TNFAIP8L3: variants seen among roughly 807,000 people sequenced by gnomAD.
TNFAIP8L3 encodes TNF alpha induced protein 8 like 3.
Under a neutral mutation model 11.8 loss-of-function variants are expected in TNFAIP8L3, and 7 were observed. The ratio of observed to expected loss-of-function variants is 0.59; its 90% CI spans 0.34 to 1.11. TNFAIP8L3 has a LOEUF of 1.11. Ranked by LOEUF, TNFAIP8L3 falls within the 50% of genes most tolerant of loss-of-function variation. TNFAIP8L3 has a pLI of 0.03. For synonymous variants in TNFAIP8L3, 98 were observed against 103.8 expected, an observed-to-expected ratio of 0.94 and a Z score of 0.34; for missense variants, 219 against 258.6, an observed-to-expected ratio of 0.85 and a Z score of 1.05.
At chr15:51,064,436 C>A (rs2065257709) in intron 1 of TNFAIP8L3, among the ~76,000 whole-genome samples, 1 of 151,976 alleles carries the variant, frequency 6.6e-6, no homozygotes, top group Non-Finnish European at 1.5e-5. Context: ...TTGTTTAGTC[C>A]ACCACTTCTC....
Position 51,057,949 on chromosome 15 carries a change from C to T in TNFAIP8L3, c.547G>A (p.Asp183Asn). The T allele has an allele frequency of 5.0e-6, 8 of 1,613,064 alleles. No homozygotes were observed. The highest frequency in any genetic ancestry group is 6.8e-6 in the Non-Finnish European group (8 of 1,179,690). Residue 183 changes from aspartate to asparagine, a missense_variant, in exon 2 of 2, where the codon GAC becomes AAC. By Grantham distance (23) the Asp-to-Asn change is conservative. Transcript: ENST00000637513. ...ATCCTCTTGAGGTTGGGCCTACAGTCTCCATCCAGACTATAGAGGGTGGAG... is the reference window on the plus strand; with the variant it reads ...ATCCTCTTGAGGTTGGGCCTACAGTTTCCATCCAGACTATAGAGGGTGGAG... ...FLSTLYSLDG[D>N]CRPNLKRICE...
chr15:51,078,600 C>G (rs2065371332), intron 1 of TNFAIP8L3, among the ~76,000 whole-genome samples: 1 of 151,986 alleles, frequency 6.6e-6, no homozygotes, highest in Non-Finnish European at 1.5e-5. Context: ...GACCCCTGCC[C>G]CGCATGTTCC....
At chr15:51,065,601 G>A (rs1469803352) in intron 1 of TNFAIP8L3, among the ~76,000 whole-genome samples, 1 of 152,200 alleles carries the variant, frequency 6.6e-6, no homozygotes, top group Non-Finnish European at 1.5e-5. Context: ...CAGGCTCTGA[G>A]CTCTCAGCTA....
At chr15:51,078,034 C>T (rs1172916367) in intron 1 of TNFAIP8L3, among the ~76,000 whole-genome samples, 1 of 152,174 alleles carries the variant, frequency 6.6e-6, no homozygotes, top group Non-Finnish European at 1.5e-5. Flanking sequence ...GTCGTGTTCA[C>T]CGTGGCGTCC....
chr15:51,100,700 CAAG>C (rs961461838), intron 1 of TNFAIP8L3, among the ~76,000 whole-genome samples: 2 of 149,994 alleles, frequency 1.3e-5, no homozygotes, highest in Admixed American at 1.3e-4. Flanking sequence ...GTGGGGGAAT[CAAG>C]ATGATGAAAG....
rs1313487866 is a variant in TNFAIP8L3, at chr15:51,094,216, A to C, written c.52+328T>G. ...CGCTCGGAAAGTTATTTCAAAAGGCAGATGTGTTGCAACCCTCTCTGCAGC... is the reference window on the plus strand; with the variant it reads ...CGCTCGGAAAGTTATTTCAAAAGGCCGATGTGTTGCAACCCTCTCTGCAGC... On this transcript the variant is annotated intron_variant, in intron 1 of 1. Coordinates refer to ENST00000637513, the MANE Select transcript of TNFAIP8L3 (RefSeq NM_001311175.2). This position sits in a 1 kb window ranked among gnomAD's most constrained non-coding sequence, Gnocchi z 4.4. 6.6e-6 allele frequency among the ~76,000 whole-genome samples: 1 copy of C among 152,224 alleles called. No homozygotes were observed. Among genetic ancestry groups the C allele is most frequent in the Non-Finnish European group, 1.5e-5 (1 of 68,040 alleles).
chr15:51,081,838 T>C (rs1325194074), intron 1 of TNFAIP8L3, among the ~76,000 whole-genome samples: 1 of 152,166 alleles, frequency 6.6e-6, no homozygotes, highest in Non-Finnish European at 1.5e-5. Flanking sequence ...GGATGAGCTA[T>C]CCATCATTTT....
intron 1 of TNFAIP8L3, among the ~76,000 whole-genome samples, chr15:51,091,069 G>A (rs2065465569): frequency 6.6e-6 from 1 of 152,172 alleles, no homozygotes; most frequent in African/African-American, 2.4e-5. Context: ...GCCAAGTTGG[G>A]TCTCTGGAAA....
chr15:51,062,472 T>A (rs1369600371), intron 1 of TNFAIP8L3, among the ~76,000 whole-genome samples: 1 of 152,122 alleles, frequency 6.6e-6, no homozygotes, highest in Non-Finnish European at 1.5e-5. Flanking sequence ...GTTTGTATAT[T>A]AGTATGTACA....
chr15:51,089,908 C>T (rs760406382), intron 1 of TNFAIP8L3, among the ~76,000 whole-genome samples: 1 of 152,216 alleles, frequency 6.6e-6, no homozygotes, highest in East Asian at 1.9e-4. Context: ...GCACATCATT[C>T]CCAGGCTGTC....
At chr15:51,105,047 G>C (rs2065579949) in exon 1 of TNFAIP8L3, 1 of 1,614,104 alleles carries the variant, frequency 6.2e-7, no homozygotes, top group African/African-American at 1.3e-5. Flanking sequence ...AAGGGGATGA[G>C]TCTTGTTTGT....
At chr15:51,060,912 G>A (rs1227317348) in intron 1 of TNFAIP8L3, among the ~76,000 whole-genome samples, 2 of 152,206 alleles carry the variant, frequency 1.3e-5, no homozygotes, top group Non-Finnish European at 2.9e-5. Context: ...GAGGCGGGTG[G>A]ATCAGTTGAG....
intron 1 of TNFAIP8L3, among the ~76,000 whole-genome samples, chr15:51,060,457 G>C (rs1299844842): frequency 6.6e-6 from 1 of 152,204 alleles, no homozygotes; most frequent in African/African-American, 2.4e-5. Context: ...TCATGGCTTT[G>C]TAGTCACAGC....
chr15:51,076,614 A>C (rs903479434), intron 1 of TNFAIP8L3, among the ~76,000 whole-genome samples: 3 of 152,194 alleles, frequency 2.0e-5, no homozygotes, highest in Non-Finnish European at 4.4e-5. Context: ...CACAATCAAG[A>C]TGCCAGGGTG....
In TNFAIP8L3 at chr15:51,057,905, C is replaced by A. The variant is rs752931999; in HGVS notation, c.591G>T (p.Lys197Asn). The A allele has an allele frequency of 6.3e-7, 1 of 1,587,576 alleles. No individual in the cohort carries two copies. Among genetic ancestry groups the A allele is most frequent in the Admixed American group, 1.8e-5 (1 of 55,102 alleles). Residue 197 changes from lysine (K) to asparagine (N), a missense_variant, in exon 2 of 2, where the codon AAG (lysine) becomes AAT (asparagine). Lys to Asn is a moderately conservative substitution (Grantham distance 94, BLOSUM62 0). Transcript: ENST00000637513. ...TTTAAAGGACTTTCTCATCTAGCAACTTATTGATTCCTTCACAAATCCTCT... is the reference window on the plus strand; with the variant it reads ...TTTAAAGGACTTTCTCATCTAGCAAATTATTGATTCCTTCACAAATCCTCT... The part of the protein sequence containing the change: ...NLKRICEGIN[K>N]LLDEKVL
At chr15:51,068,921 T>C (rs999185852) in intron 1 of TNFAIP8L3, among the ~76,000 whole-genome samples, 5 of 152,056 alleles carry the variant, frequency 3.3e-5, no homozygotes, top group African/African-American at 1.2e-4. Flanking sequence ...CCCCTCGGCC[T>C]CCCAAAGTGC....
At chr15:51,093,292 C>T in intron 1 of TNFAIP8L3, among the ~76,000 whole-genome samples, 1 of 152,226 alleles carries the variant, frequency 6.6e-6, no homozygotes, top group East Asian at 1.9e-4. Flanking sequence ...GCCACAGCCA[C>T]CCTCTGTGGG....
chr15:51,104,957 C>T (rs879092643), intron 1 of TNFAIP8L3: 1 of 1,612,648 alleles, frequency 6.2e-7, no homozygotes, highest in African/African-American at 1.3e-5. Flanking sequence ...GCACAAGCCT[C>T]CCCGCCCCTA....
intron 1 of TNFAIP8L3, among the ~76,000 whole-genome samples, chr15:51,093,868 C>T (rs1047641963): frequency 2.0e-5 from 3 of 152,160 alleles, no homozygotes; most frequent in African/African-American, 4.8e-5. Context: ...TAAGCATCCA[C>T]CTATTGCTTT....
Sources: gnomAD v4.1 joint callset for allele counts (sites outside exome capture counted in the v4.1 genomes callset) on GRCh38, gnomAD v4.1.1 for gene constraint, Gnocchi (gnomAD v3.1) non-coding constraint, MANE v1.5 for transcripts, NCBI Gene and HGNC (gene_info 2026-07-23, HGNC 2026-07-21) for gene names.